ANLN: variants seen among roughly 807,000 people sequenced by gnomAD.
ANLN encodes anillin, actin binding protein, also known as anillin.
A neutral mutation model predicts 135.1 loss-of-function variants in ANLN; 59 were observed. The observed-to-expected ratio is 0.44, with a 90% CI of 0.35 to 0.54. The LOEUF is 0.54. Ranked by LOEUF, ANLN falls within the 20% of genes least tolerant of loss-of-function variation. ANLN has a pLI of 0.00. For synonymous variants in ANLN, 406 were observed against 456.4 expected (o/e 0.89, Z 1.41); for missense variants, 1,182 against 1,340.0 (o/e 0.88, Z 1.84).
At chr7:36,432,884 A>G (rs2116733376) in intron 20 of ANLN, among the ~76,000 whole-genome samples, 1 of 152,354 alleles carries the variant, frequency 6.6e-6, no homozygotes, top group Non-Finnish European at 1.5e-5. Context: ...AACTTACAAT[A>G]TGAACCTCAC....
At chr7:36,424,658 A>C in intron 16 of ANLN, 28 bp from the exon 17 acceptor site, 2 of 1,606,550 alleles carry the variant, frequency 1.2e-6, no homozygotes, top group Non-Finnish European at 1.7e-6. Context: ...CAGATTATAA[A>C]TTAATTATGC....
At chr7:36,402,433 A>G (rs1052274159) in intron 3 of ANLN, among the ~76,000 whole-genome samples, 4 of 152,064 alleles carry the variant, frequency 2.6e-5, no homozygotes, top group African/African-American at 9.7e-5. Context: ...TTATAATACT[A>G]GCCTTCTAAC....
At position 36,450,218 on chromosome 7, in the gene ANLN, A is replaced by T. The variant is rs181461188; in HGVS notation, c.3251+381A>T. On this transcript the variant is annotated intron_variant, in intron 23 of 23. Coordinates refer to ENST00000265748, the MANE Select transcript of ANLN (RefSeq NM_018685.5). ...CAGAATACCCTCGTGTAATCAGATG[A>T]CTCACAGAAACAATCTCATTCTATT... 6.6e-5 allele frequency among the ~76,000 whole-genome samples: 10 copies of T among 152,320 alleles called. No individual in the cohort carries two copies. In the East Asian group the frequency reaches 1.9e-3, roughly 29 times the overall value.
At chr7:36,412,178 G>C (rs773945771) in intron 7 of ANLN, among the ~76,000 whole-genome samples, 2 of 151,314 alleles carry the variant, frequency 1.3e-5, no homozygotes, top group African/African-American at 2.4e-5. Context: ...TTCTAAATCT[G>C]TCACCCACCT....
intron 3 of ANLN, among the ~76,000 whole-genome samples, chr7:36,401,015 C>A (rs1583596618): frequency 6.6e-6 from 1 of 152,080 alleles, no homozygotes; most frequent in Non-Finnish European, 1.5e-5. Context: ...CATATCAGTT[C>A]TTTTAACTGA....
At chr7:36,409,725 A>G (rs1367302222) in intron 5 of ANLN, among the ~76,000 whole-genome samples, 1 of 152,126 alleles carries the variant, frequency 6.6e-6, no homozygotes, top group Non-Finnish European at 1.5e-5. Context: ...GATGGAGTGC[A>G]GTGAGTGGCA....
intron 3 of ANLN, among the ~76,000 whole-genome samples, chr7:36,405,663 A>G (rs1414205251): frequency 1.3e-5 from 2 of 152,218 alleles, no homozygotes; most frequent in Non-Finnish European, 2.9e-5. Context: ...ACCCTATGCT[A>G]TCCAATACAG....
At chr7:36,403,152 C>T (rs1399924524) in intron 3 of ANLN, among the ~76,000 whole-genome samples, 1 of 151,816 alleles carries the variant, frequency 6.6e-6, no homozygotes. Context: ...AATCTAGGTG[C>T]AAAGAGTGAA....
At chr7:36,425,074 T>TTAAA (rs1405093408) in intron 17 of ANLN, among the ~76,000 whole-genome samples, 2 of 152,144 alleles carry the variant, frequency 1.3e-5, no homozygotes, top group Non-Finnish European at 1.5e-5. Context: ...ACTTAATAAT[T>TTAAA]ATGTGGTCAC....
intron 21 of ANLN, among the ~76,000 whole-genome samples, chr7:36,442,025 C>T (rs1014918115): frequency 6.6e-6 from 1 of 152,122 alleles, no homozygotes; most frequent in African/African-American, 2.4e-5. Flanking sequence ...AGGTGTCAAT[C>T]TAGCTTGGTA....
At chr7:36,410,048 GAAA>G (rs1436195897) in intron 5 of ANLN, among the ~76,000 whole-genome samples, 1 of 151,782 alleles carries the variant, frequency 6.6e-6, no homozygotes, top group African/African-American at 2.4e-5. Context: ...CCTTCTGAAG[GAAA>G]AAAAGGCAAA....
Position 36,396,388 on chromosome 7 carries a change from A to G in ANLN, c.141A>G (p.Ala47=), listed in dbSNP as rs753699229. The G allele has an allele frequency of 8.1e-6, 13 of 1,596,826 alleles. No homozygotes were observed. The highest frequency in any genetic ancestry group is 4.5e-5 in the East Asian group (2 of 44,554). Residue 47 remains alanine (A), a synonymous_variant, in exon 2 of 24, where the codon GCA becomes GCG. Transcript: ENST00000265748. ...GAGCTAGACAGCCACTTTCAGAAGCAAGTAACCAGCAGCCCCTCTCTGGTG... is the reference window on the plus strand; with the variant it reads ...GAGCTAGACAGCCACTTTCAGAAGCGAGTAACCAGCAGCCCCTCTCTGGTG... ...AKRARQPLSE[A]SNQQPLSGGE...
At chr7:36,409,109 C>T (rs1362595960) in intron 5 of ANLN, among the ~76,000 whole-genome samples, 2 of 152,126 alleles carry the variant, frequency 1.3e-5, no homozygotes, top group Non-Finnish European at 2.9e-5. Flanking sequence ...ATAGCAAGAT[C>T]CCCAGATGGA....
In ANLN at chr7:36,419,418, A is replaced by T. The variant is rs1203496497; in HGVS notation, c.1808A>T (p.Asn603Ile). ...AGCGAAGAACAGGAAGATGCACTGA[A>T]TATCTCCTCAATGTCTTTACTTGCA... is the stretch of plus-strand genomic sequence containing the variant. ...ESSEEQEDAL[N>I]ISSMSLLAPL... The change falls in exon 10 of 24, where the codon AAT becomes ATT. Residue 603 changes from asparagine (N) to isoleucine (I), a missense_variant. Physicochemically the swap from Asn to Ile is moderately radical, Grantham distance 149. Transcript: ENST00000265748. 6.2e-7 allele frequency: 1 copy of T among 1,614,178 alleles called. No homozygotes were observed.
chr7:36,402,443 C>A (rs1322993663), intron 3 of ANLN, among the ~76,000 whole-genome samples: 4 of 152,164 alleles, frequency 2.6e-5, no homozygotes, highest in Non-Finnish European at 4.4e-5. Flanking sequence ...AGCCTTCTAA[C>A]TGGTCTTCCT....
At chr7:36,428,567 A>G (rs1182518196) in intron 20 of ANLN, among the ~76,000 whole-genome samples, 1 of 151,626 alleles carries the variant, frequency 6.6e-6, no homozygotes, top group African/African-American at 2.4e-5. Context: ...AAAGTTTTCT[A>G]TTTTTTCAAT....
intron 1 of ANLN, among the ~76,000 whole-genome samples, chr7:36,394,163 T>G (rs1786597628): frequency 6.6e-6 from 1 of 152,220 alleles, no homozygotes. Flanking sequence ...AGGATCTTGC[T>G]TTGTTGCCTA....
At chr7:36,419,112 C>T in intron 9 of ANLN, 132 bp from the exon 10 acceptor site, 2 of 600,294 alleles carry the variant, frequency 3.3e-6, no homozygotes, top group Non-Finnish European at 2.9e-6. Flanking sequence ...TCTTATTTTT[C>T]TTTTTAGGAG....
chr7:36,413,284 T>G (rs1787502748), intron 7 of ANLN, among the ~76,000 whole-genome samples: 1 of 152,176 alleles, frequency 6.6e-6, no homozygotes, highest in South Asian at 2.1e-4. Context: ...GCTTTCAGGT[T>G]TCCCCCTTCT....
Sources: allele counts gnomAD v4.1 joint callset (sites outside exome capture counted in the v4.1 genomes callset), GRCh38; gene constraint gnomAD v4.1.1; transcripts MANE v1.5; gene names NCBI Gene and HGNC (gene_info 2026-07-23, HGNC 2026-07-21).